The following MTPAP variants were observed in gnomAD, a reference collection of about 807,000 sequenced individuals.
The protein encoded by MTPAP is poly(A) RNA polymerase, mitochondrial.
A neutral mutation model predicts 48.7 loss-of-function variants in MTPAP; 23 were observed. The observed-to-expected ratio is 0.47, with a 90% CI of 0.34 to 0.67. The LOEUF (loss-of-function observed/expected upper bound fraction) is 0.67, where lower values mean the gene tolerates loss of function less well. Among genes scored for constraint, MTPAP ranks in the 30% least tolerant of loss-of-function variants. The probability of loss-of-function intolerance (pLI) is 0.01; values close to 1 mark genes in which losing one functional copy is unlikely to be tolerated. For missense variants in MTPAP, 614 were observed against 694.3 expected (o/e 0.88, Z 1.30); for synonymous variants, 257 against 254.1 (o/e 1.01, Z -0.11).
chr10:30,319,046 T>TA (rs895218607), intron 6 of MTPAP, among the ~76,000 whole-genome samples: 3 of 134,264 alleles, frequency 2.2e-5, no homozygotes, highest in Admixed American at 7.8e-5. Context: ...AGATTCTCCA[T>TA]AAAAAAAAGC....
At chr10:30,348,891 T>C (rs942284125) in intron 1 of MTPAP, 3 of 607,988 alleles carry the variant, frequency 4.9e-6, no homozygotes, top group South Asian at 2.0e-5. Context: ...ACTCCATTAC[T>C]GTACACAGGA....
chr10:30,349,208 T>C lies in MTPAP; in HGVS notation c.68A>G (p.Gln23Arg). Residue 23 changes from glutamine (Q) to arginine (R), a missense_variant, in exon 1 of 9, where the codon CAG (glutamine) becomes CGG (arginine). Coordinates refer to ENST00000263063, the MANE Select transcript of MTPAP (RefSeq NM_018109.4). The stretch of plus-strand genomic sequence containing the variant: ...ACTCAAAAGCCTGACGATAGGCCGC[T>C]GGACTCGAGTTCTTCTCCGGGCACA... The part of the protein sequence containing the change: ...NLCARRRTRV[Q>R]RPIVRLLSCP... The C allele has an allele frequency of 6.2e-7, 1 of 1,606,308 alleles. No individual in the cohort carries two copies. Among genetic ancestry groups the C allele is most frequent in the Middle Eastern group, 1.7e-4 (1 of 6,028 alleles).
At chr10:30,327,483 A>G (rs144439200) in intron 4 of MTPAP, among the ~76,000 whole-genome samples, 1,619 of 150,342 alleles carry the variant, frequency 0.011, 26 homozygotes, top group African/African-American at 0.036. Flanking sequence ...TGGGCAACTG[A>G]GCGAGACTCC....
intron 8 of MTPAP, 146 bp from the exon 9 acceptor site, chr10:30,314,117 A>C: frequency 1.0e-6 from 1 of 952,924 alleles, no homozygotes; most frequent in Non-Finnish European, 1.6e-6. Context: ...GGGATTGAGT[A>C]TGTATGCATG....
chr10:30,346,959 G>A (rs1437278890), intron 1 of MTPAP, among the ~76,000 whole-genome samples: 2 of 152,146 alleles, frequency 1.3e-5, no homozygotes, highest in Admixed American at 1.3e-4. Context: ...CCAAAAAACA[G>A]CTAAGGAAAA....
chr10:30,317,030 AATG>A (rs1224687781), intron 6 of MTPAP, among the ~76,000 whole-genome samples: 2 of 152,246 alleles, frequency 1.3e-5, no homozygotes, highest in Non-Finnish European at 2.9e-5. Context: ...TCTATGATTT[AATG>A]ATGTTAATTT....
intron 3 of MTPAP, among the ~76,000 whole-genome samples, chr10:30,338,771 A>G (rs886932028): frequency 3.9e-5 from 6 of 152,230 alleles, no homozygotes; most frequent in Non-Finnish European, 7.3e-5. Flanking sequence ...ATTTTGATAA[A>G]TAAAGCCATG....
chr10:30,331,770 T>C (rs1349015075), intron 4 of MTPAP, among the ~76,000 whole-genome samples: 1 of 152,238 alleles, frequency 6.6e-6, no homozygotes, highest in Non-Finnish European at 1.5e-5. Context: ...TTTCACCACA[T>C]TGGCCAGGCT....
At chr10:30,341,407 A>T (rs963452447) in intron 2 of MTPAP, 61 bp downstream of exon 2, 25 of 1,560,368 alleles carry the variant, frequency 1.6e-5, no homozygotes, top group Non-Finnish European at 2.0e-5. Context: ...AAAACAACTA[A>T]TGGAGACCTC....
rs554059113 is a variant in MTPAP at position 30,324,980 on chromosome 10, G to A, written c.992+1444C>T. Among the ~76,000 whole-genome samples the A allele has an allele frequency of 7.8e-5, 11 of 140,780 alleles. No individual in the cohort carries two copies. The South Asian group carries it at 1.8e-3, about 23-fold the overall frequency. 92.4% of individuals were successfully genotyped at this position (140,780 alleles called of 152,430 possible). A position where few individuals can be genotyped will look rare whatever the true frequency, so the allele number is the denominator to read the frequency against. On this transcript the variant is annotated intron_variant, in intron 5 of 8. Transcript: ENST00000263063. ...CACTCTAGCCTACGCGACAGAGCAA[G>A]ACTATGTCTCAAAAAAAAAAAAAGA...
intron 4 of MTPAP, among the ~76,000 whole-genome samples, chr10:30,332,989 C>T (rs920856469): frequency 2.2e-4 from 34 of 151,876 alleles, no homozygotes; most frequent in East Asian, 1.6e-3. Context: ...GGCGTGGTGG[C>T]GGGCGCCTGT....
In MTPAP at chr10:30,341,492, A is replaced by G. The variant is rs1051695447; in HGVS notation, c.306T>C (p.Asn102=). ...CAAAGCTTTCATAGAAGAAATGATTATTAATAGGTCCAAATTGGGATAAAT... is the reference window on the plus strand; with the variant it reads ...CAAAGCTTTCATAGAAGAAATGATTGTTAATAGGTCCAAATTGGGATAAAT... ...LKYLSQFGPI[N]NHFFYESFGL... is the part of the protein sequence containing the mutation. Residue 102 remains asparagine, a synonymous_variant, in exon 2 of 9, where the codon AAT becomes AAC. Coordinates refer to ENST00000263063, the MANE Select transcript of MTPAP (RefSeq NM_018109.4). 6.2e-7 allele frequency: 1 copy of G among 1,613,632 alleles called. No homozygotes were observed. The highest frequency in any genetic ancestry group is 1.7e-5 in the Admixed American group (1 of 59,984).
At chr10:30,334,695 A>T (rs546970135) in intron 4 of MTPAP, among the ~76,000 whole-genome samples, 12 of 152,162 alleles carry the variant, frequency 7.9e-5, no homozygotes, top group Non-Finnish European at 1.2e-4. Context: ...TAGTTGGAAA[A>T]TTGGGTATGT....
chr10:30,340,203 T>G lies in MTPAP; in HGVS notation c.555+23A>C, dbSNP rs1564523612. The G allele has an allele frequency of 1.9e-6, 3 of 1,560,106 alleles. No homozygotes were observed. In the East Asian group the frequency reaches 6.7e-5, roughly 35 times the overall value. ...ATAAAAAAATACATAGTTCTAAAAG[T>G]TGAGGTACACCTAAAAACTTACACT... is the stretch of plus-strand genomic sequence containing the variant. On this transcript the variant is annotated intron_variant, in intron 3 of 8. Coordinates refer to ENST00000263063, the MANE Select transcript of MTPAP (RefSeq NM_018109.4).
At chr10:30,322,056 T>C (rs1840732388) in intron 6 of MTPAP, among the ~76,000 whole-genome samples, 1 of 152,246 alleles carries the variant, frequency 6.6e-6, no homozygotes, top group Non-Finnish European at 1.5e-5. Flanking sequence ...GAAAGTCATC[T>C]CTGAGACTGT....
chr10:30,345,594 C>A (rs1036689060), intron 1 of MTPAP, among the ~76,000 whole-genome samples: 2 of 152,090 alleles, frequency 1.3e-5, no homozygotes, highest in African/African-American at 4.8e-5. Context: ...GTTGTGAAGG[C>A]GGGAACAGAA....
In MTPAP at chr10:30,340,325, C is replaced by G. The variant is rs146816044; in HGVS notation, c.456G>C (p.Lys152Asn). 1.2e-6 allele frequency: 2 copies of G among 1,614,154 alleles called. No homozygotes were observed. The highest frequency in any genetic ancestry group is 1.3e-5 in the African/African-American group (1 of 75,050). The change falls in exon 3 of 9, where the codon AAG (lysine) becomes AAC (asparagine). Residue 152 changes from lysine to asparagine, a missense_variant. Physicochemically the swap from Lys to Asn is moderately conservative, Grantham distance 94 (BLOSUM62 0). Transcript: ENST00000263063. ...IPFRSRFFNL[K>N]LKNQTSERSR... ...ACCGTTCAGAAGTCTGGTTTTTCAA[C>G]TTCAGATTGAAGAAACGTGATCTGA...
intron 4 of MTPAP, among the ~76,000 whole-genome samples, chr10:30,329,973 A>G (rs954565346): frequency 2.6e-5 from 4 of 152,162 alleles, no homozygotes; most frequent in African/African-American, 9.6e-5. Flanking sequence ...TTTCTTTTAA[A>G]AAAAAAAGCT....
Position 30,328,214 on chromosome 10 carries a change from A to G in MTPAP, c.781-1579T>C, listed in dbSNP as rs531688383. ...TAAAAATGGCTAAAAACCATGATAA[A>G]AGTTGTGCATGTTTTCTAGAAACTA... On this transcript the variant is annotated intron_variant, in intron 4 of 8. Coordinates refer to ENST00000263063, the MANE Select transcript of MTPAP (RefSeq NM_018109.4). 1.3e-4 allele frequency among the ~76,000 whole-genome samples: 20 copies of G among 152,368 alleles called. No homozygotes were observed. The South Asian group carries it at 4.1e-3, about 32-fold the overall frequency.
Sources: gnomAD v4.1 joint callset for allele counts (sites outside exome capture counted in the v4.1 genomes callset) on GRCh38, gnomAD v4.1.1 for gene constraint, MANE v1.5 for transcripts, NCBI Gene and HGNC (gene_info 2026-07-23, HGNC 2026-07-21) for gene names.